Variants in GPC3 observed in about 807,000 individuals in gnomAD.
The protein encoded by GPC3 is glypican-3.
Under a neutral mutation model 34.4 loss-of-function variants are expected in GPC3, and 3 were observed. That is an observed-to-expected ratio of 0.09 (90% CI 0.04 to 0.23). GPC3 has a LOEUF of 0.23. Among genes scored for constraint, GPC3 ranks in the 10% least tolerant of loss-of-function variants. The pLI, the probability that GPC3 is intolerant of heterozygous loss-of-function variation, is 1.00. For synonymous variants in GPC3, 177 were observed against 174.0 expected, an observed-to-expected ratio of 1.02 and a Z score of -0.13; for missense variants, 351 against 445.6, an observed-to-expected ratio of 0.79 and a Z score of 1.91.
chrX:133,671,457 T>C, intron 5 of GPC3: 5 of 448,282 alleles, frequency 1.1e-5, no homozygotes, highest in Admixed American at 7.8e-5. Context: ...AAAACTTTCA[T>C]GTGAAAAAAA....
chrX:133,960,002 T>C (rs1054008795), intron 1 of GPC3, among the ~76,000 whole-genome samples: 1 of 111,712 alleles, frequency 9.0e-6, no homozygotes, highest in African/African-American at 3.3e-5. Context: ...ATATGTGATA[T>C]AGACAACATT....
intron 2 of GPC3, among the ~76,000 whole-genome samples, chrX:133,902,706 G>A (rs1431475806): frequency 8.9e-6 from 1 of 111,742 alleles, no homozygotes; most frequent in Non-Finnish European, 1.9e-5. Context: ...CTGGGTGACA[G>A]AGCAAGATCC....
intron 2 of GPC3, among the ~76,000 whole-genome samples, chrX:133,818,698 A>G (rs763412139): frequency 4.2e-4 from 47 of 111,970 alleles, no homozygotes; most frequent in African/African-American, 1.5e-3. Context: ...CAAGCCCAAT[A>G]GAGTGGTAGG....
At chrX:133,804,919 T>C (rs2075628581) in intron 2 of GPC3, among the ~76,000 whole-genome samples, 1 of 111,755 alleles carries the variant, frequency 8.9e-6, no homozygotes, top group South Asian at 3.8e-4. Context: ...ATAGGTATAC[T>C]ATATTATATC....
At chrX:133,700,431 G>A (rs1247457144) in intron 3 of GPC3, among the ~76,000 whole-genome samples, 2 of 111,682 alleles carry the variant, frequency 1.8e-5, no homozygotes, top group African/African-American at 6.5e-5. Flanking sequence ...TGGGGGTTGT[G>A]TAGTCAGTTA....
In GPC3 at chrX:133,598,096, A is replaced by T. The variant is rs558614597; in HGVS notation, c.1414-1497T>A. ...AGAAATTATAACTGAGAAATTTTAA[A>T]AATATTTATTTGATAGCTTCTATAA... On this transcript the variant is annotated intron_variant, in intron 6 of 7. Coordinates refer to ENST00000370818, the MANE Select transcript of GPC3 (RefSeq NM_004484.4). Among the ~76,000 whole-genome samples, 6 of 112,490 alleles carry T rather than the reference A, an allele frequency of 5.3e-5. No homozygotes were observed. The South Asian group carries it at 1.1e-3, about 21-fold the overall frequency.
In GPC3 at chrX:133,935,091, A is replaced by G. The variant is rs1328950965; in HGVS notation, c.337+17959T>C. On this transcript the variant is annotated intron_variant, in intron 2 of 7. Coordinates refer to ENST00000370818, the MANE Select transcript of GPC3 (RefSeq NM_004484.4). ...TGAGATAATTCAGTAGGTAAATCCG[A>G]AACACTTCCTTCCTACTAGTGACCA... Among the ~76,000 whole-genome samples, 8 of 111,977 alleles carry G rather than the reference A, an allele frequency of 7.1e-5. No homozygotes were observed. The Admixed American group carries it at 7.6e-4, about 11-fold the overall frequency.
chrX:133,644,007 T>A (rs1179940204), intron 6 of GPC3, among the ~76,000 whole-genome samples: 1 of 109,890 alleles, frequency 9.1e-6, no homozygotes, highest in Non-Finnish European at 1.9e-5. Context: ...TTTGTATTTT[T>A]AGTAGAGACG....
chrX:133,730,276 C>A (rs2071449801), intron 3 of GPC3, among the ~76,000 whole-genome samples: 2 of 111,961 alleles, frequency 1.8e-5, no homozygotes, highest in African/African-American at 6.5e-5. Flanking sequence ...CCTCATGGCC[C>A]AACAGATACC....
At chrX:133,870,817 A>G (rs2075991095) in intron 2 of GPC3, among the ~76,000 whole-genome samples, 1 of 111,733 alleles carries the variant, frequency 8.9e-6, no homozygotes, top group African/African-American at 3.3e-5. Flanking sequence ...CTCAAATGTC[A>G]CCAATGACTT....
chrX:133,616,433 T>C (rs1274051541), intron 6 of GPC3, among the ~76,000 whole-genome samples: 4 of 111,569 alleles, frequency 3.6e-5, no homozygotes, highest in Admixed American at 1.9e-4. Context: ...AGTAGTATGA[T>C]GGAAACACTC....
intron 2 of GPC3, among the ~76,000 whole-genome samples, chrX:133,792,825 C>G (rs1224241149): frequency 1.8e-5 from 2 of 111,453 alleles, no homozygotes; most frequent in Admixed American, 1.9e-4. Flanking sequence ...ATGTGAACAA[C>G]AGACCCCAAA....
chrX:133,897,205 CTTTTTT>C (rs760491025), intron 2 of GPC3, among the ~76,000 whole-genome samples: 1 of 82,651 alleles, frequency 1.2e-5, no homozygotes, highest in Non-Finnish European at 2.2e-5. Context: ...CGTGCCCGGC[CTTTTTT>C]TTTTTTTTTT....
chrX:133,887,469 T>C (rs1305852056), intron 2 of GPC3, among the ~76,000 whole-genome samples: 2 of 112,183 alleles, frequency 1.8e-5, no homozygotes, highest in Non-Finnish European at 3.8e-5. Flanking sequence ...TTGTATGTCT[T>C]CTTTGGAGAA....
chrX:133,877,792 G>C (rs1291840558), intron 2 of GPC3, among the ~76,000 whole-genome samples: 2 of 111,944 alleles, frequency 1.8e-5, no homozygotes, highest in Non-Finnish European at 3.8e-5. Flanking sequence ...ACAATAAATA[G>C]TGTTGACAGT....
At chrX:133,730,722 C>T (rs2071454446) in intron 3 of GPC3, among the ~76,000 whole-genome samples, 1 of 110,938 alleles carries the variant, frequency 9.0e-6, no homozygotes, top group Non-Finnish European at 1.9e-5. Context: ...ATCTTAGATG[C>T]TAATTTGAAT....
chrX:133,729,832 T>C (rs2071445312), intron 3 of GPC3, among the ~76,000 whole-genome samples: 1 of 112,348 alleles, frequency 8.9e-6, no homozygotes, highest in Non-Finnish European at 1.9e-5. Flanking sequence ...AGCATTAGTT[T>C]AATTAACGCT....
intron 2 of GPC3, among the ~76,000 whole-genome samples, chrX:133,795,101 C>T (rs184455554): frequency 1.7e-3 from 192 of 112,318 alleles, no homozygotes; most frequent in African/African-American, 5.8e-3. Context: ...ATGGTGGTCT[C>T]AGCCTAAGAT....
chrX:133,833,299 T>C (rs1392409397), intron 2 of GPC3, among the ~76,000 whole-genome samples: 1 of 111,746 alleles, frequency 8.9e-6, no homozygotes, highest in Non-Finnish European at 1.9e-5. Context: ...TATATAAGGT[T>C]CATGGTTAAA....
Sources: allele counts gnomAD v4.1 joint callset (sites outside exome capture counted in the v4.1 genomes callset), GRCh38; gene constraint gnomAD v4.1.1; transcripts MANE v1.5; gene names NCBI Gene and HGNC (gene_info 2026-07-23, HGNC 2026-07-21).